SMOC2: variants seen among roughly 807,000 people sequenced by gnomAD.
The protein encoded by SMOC2 is SPARC-related modular calcium-binding protein 2.
A neutral mutation model predicts 61.4 loss-of-function variants in SMOC2; 39 were observed. That is an observed-to-expected ratio of 0.64 (90% CI 0.49 to 0.83). SMOC2 has a LOEUF of 0.83. Ranked by LOEUF, SMOC2 falls within the 40% of genes least tolerant of loss-of-function variation. SMOC2 has a pLI of 0.00. For synonymous variants in SMOC2, 247 were observed against 239.9 expected, an observed-to-expected ratio of 1.03 and a Z score of -0.27; for missense variants, 556 against 592.9, an observed-to-expected ratio of 0.94 and a Z score of 0.65.
intron 2 of SMOC2, among the ~76,000 whole-genome samples, chr6:168,518,509 G>GAA (rs1177204847): frequency 3.3e-5 from 5 of 151,626 alleles, no homozygotes; most frequent in East Asian, 1.9e-4. Flanking sequence ...GTGTGAATGT[G>GAA]TGTAAATGTG....
intron 4 of SMOC2, among the ~76,000 whole-genome samples, chr6:168,539,870 G>T (rs1783837995): frequency 6.6e-6 from 1 of 152,168 alleles, no homozygotes; most frequent in Admixed American, 6.5e-5. Flanking sequence ...GACTAAAAAA[G>T]CAGGCCCTGG....
chr6:168,537,663 A>G (rs377348810), intron 4 of SMOC2, among the ~76,000 whole-genome samples: 59 of 152,210 alleles, frequency 3.9e-4, no homozygotes, highest in African/African-American at 1.4e-3. Flanking sequence ...TGGAGCCCCT[A>G]AGAACACAGG....
intron 11 of SMOC2, among the ~76,000 whole-genome samples, chr6:168,657,009 CTT>C (rs1332838387): frequency 3.3e-5 from 5 of 152,192 alleles, no homozygotes; most frequent in Non-Finnish European, 7.3e-5. Context: ...ATCAAGGACT[CTT>C]TGGCAAGTGT....
chr6:168,577,953 C>T (rs189595881), intron 7 of SMOC2, among the ~76,000 whole-genome samples: 266 of 152,334 alleles, frequency 1.7e-3, no homozygotes, highest in Non-Finnish European at 2.4e-3. Context: ...GAAGTAGTTG[C>T]GTTTGACTCT....
chr6:168,604,481 T>C (rs1785636367), intron 8 of SMOC2, among the ~76,000 whole-genome samples: 1 of 152,178 alleles, frequency 6.6e-6, no homozygotes, highest in Admixed American at 6.5e-5. Context: ...ATTCTGCCAT[T>C]ATTGAGTAAC....
chr6:168,575,543 G>A (rs1020223659), intron 7 of SMOC2, among the ~76,000 whole-genome samples: 3 of 152,172 alleles, frequency 2.0e-5, no homozygotes, highest in Non-Finnish European at 2.9e-5. Flanking sequence ...AGAAGACGGG[G>A]AGCTCCTCGC....
At chr6:168,608,988 TC>T (rs1785783549) in intron 9 of SMOC2, among the ~76,000 whole-genome samples, 1 of 152,242 alleles carries the variant, frequency 6.6e-6, no homozygotes, top group Non-Finnish European at 1.5e-5. Context: ...CTTTTGTGCT[TC>T]CTGTACTATT....
At chr6:168,496,806 T>C (rs1782601938) in intron 1 of SMOC2, among the ~76,000 whole-genome samples, 9 of 152,232 alleles carry the variant, frequency 5.9e-5, no homozygotes, top group Admixed American at 5.9e-4. Context: ...GTTGTTCCAT[T>C]TCAGAGGACT....
chr6:168,609,294 C>T (rs1364358408), intron 9 of SMOC2, among the ~76,000 whole-genome samples: 2 of 152,126 alleles, frequency 1.3e-5, no homozygotes, highest in Admixed American at 6.6e-5. Context: ...GTTTCCCAGC[C>T]GTGTACCTCC....
At chr6:168,532,088 T>C (rs1783618989) in intron 4 of SMOC2, among the ~76,000 whole-genome samples, 1 of 152,160 alleles carries the variant, frequency 6.6e-6, no homozygotes, top group Admixed American at 6.5e-5. Flanking sequence ...TTTAGAGATG[T>C]ATGTGCTTCT....
At chr6:168,473,563 G>A (rs1171970665) in intron 1 of SMOC2, among the ~76,000 whole-genome samples, 1 of 152,164 alleles carries the variant, frequency 6.6e-6, no homozygotes, top group African/African-American at 2.4e-5. Flanking sequence ...GTCTCCAGGT[G>A]ACTGTGTGGG....
intron 1 of SMOC2, among the ~76,000 whole-genome samples, chr6:168,493,193 C>T (rs1326176080): frequency 6.6e-6 from 1 of 152,054 alleles, no homozygotes; most frequent in African/African-American, 2.4e-5. Flanking sequence ...CACGCCACTA[C>T]GCCTGCCTAA....
intron 9 of SMOC2, among the ~76,000 whole-genome samples, chr6:168,634,747 A>T (rs1254196643): frequency 1.3e-5 from 2 of 152,216 alleles, no homozygotes; most frequent in African/African-American, 4.8e-5. Context: ...CAGTTACAGA[A>T]ATGGGCCATC....
chr6:168,449,059 A>G (rs1392921953), intron 1 of SMOC2, among the ~76,000 whole-genome samples: 1 of 152,136 alleles, frequency 6.6e-6, no homozygotes, highest in Non-Finnish European at 1.5e-5. Flanking sequence ...CTTCGCTCAC[A>G]TGGAACCACA....
At chr6:168,573,026 A>G (rs1323375658) in intron 7 of SMOC2, among the ~76,000 whole-genome samples, 23 of 89,198 alleles carry the variant, frequency 2.6e-4, no homozygotes, top group African/African-American at 1.2e-3. Flanking sequence ...GTGGTCCCTG[A>G]ACGCGATGTT....
chr6:168,441,194 ACCTCTGGGTG>A lies in SMOC2; in HGVS notation c.-173_-164del. ...AGGGCGGACGCAAAGAACGCGGAGG[ACCTCTGGGTG>A]CCTGCAGGGGAGCTGCTCCAGCCGG... On this transcript the variant is annotated 5_prime_UTR_variant, in exon 1 of 13. Coordinates refer to ENST00000356284, the MANE Select transcript of SMOC2 (RefSeq NM_001166412.2). The A allele has an allele frequency of 2.6e-5, 23 of 883,906 alleles. No individual in the cohort carries two copies. Among genetic ancestry groups the A allele is most frequent in the Non-Finnish European group, 3.4e-5 (22 of 647,982 alleles). The allele number at this position is 883,906 out of a possible 1,614,324, so 54.8% of individuals were successfully genotyped here. A position where few individuals can be genotyped will look rare whatever the true frequency, so the allele number is the denominator to read the frequency against.
intron 9 of SMOC2, among the ~76,000 whole-genome samples, chr6:168,618,278 C>T (rs1441575934): frequency 2.0e-5 from 3 of 152,242 alleles, no homozygotes; most frequent in African/African-American, 7.2e-5. Context: ...GCTTGCAATT[C>T]ACTGGGCATC....
At chr6:168,451,626 T>TCTCTCC (rs1554280350) in intron 1 of SMOC2, among the ~76,000 whole-genome samples, 5 of 150,150 alleles carry the variant, frequency 3.3e-5, no homozygotes, top group Non-Finnish European at 3.0e-5. Context: ...TCTCTCTCTC[T>TCTCTCC]CTCCCTCCCT....
chr6:168,617,777 G>A (rs1786132197), intron 9 of SMOC2, among the ~76,000 whole-genome samples: 1 of 152,240 alleles, frequency 6.6e-6, no homozygotes, highest in Non-Finnish European at 1.5e-5. Context: ...TGAACTGCTT[G>A]TTGTGACCGA....
Sources: allele counts gnomAD v4.1 joint callset (sites outside exome capture counted in the v4.1 genomes callset), GRCh38; gene constraint gnomAD v4.1.1; transcripts MANE v1.5; gene names NCBI Gene and HGNC (gene_info 2026-07-23, HGNC 2026-07-21).